ZBTB7A: variants seen among roughly 807,000 people sequenced by gnomAD.
ZBTB7A encodes the protein zinc finger and BTB domain containing 7A, also known as zinc finger and BTB domain-containing protein 7A.
In ZBTB7A, 7 loss-of-function variants were observed where a neutral mutation model predicts 26.7. That is an observed-to-expected ratio of 0.26 (90% CI 0.15 to 0.49). ZBTB7A has a LOEUF of 0.49. Among genes scored for constraint, ZBTB7A ranks in the 20% least tolerant of loss-of-function variants. ZBTB7A has a pLI of 0.98. For synonymous variants in ZBTB7A, 452 were observed against 441.0 expected (o/e 1.02, Z -0.31); for missense variants, 617 against 919.5 (o/e 0.67, Z 4.25).
In ZBTB7A at chr19:4,043,568, A is replaced by G. The variant is rs1314442155; in HGVS notation, c.*4184T>C. Among the ~76,000 whole-genome samples, 2 of 149,544 alleles carry G rather than the reference A, an allele frequency of 1.3e-5. No homozygotes were observed. Among genetic ancestry groups the G allele is most frequent in the Non-Finnish European group, 1.5e-5 (1 of 67,404 alleles). On this transcript the variant is annotated 3_prime_UTR_variant, in exon 3 of 3. Transcript: ENST00000322357. ...GGCGCCGCCCCGCCCCCCATTCACC[A>G]GGCCTGGCCCCTCCAAAGTCCAAGG...
rs778583543 is a variant in ZBTB7A at position 4,047,919 on chromosome 19, GGGCGT to G, written c.1583_1587del (p.Asp528AlafsTer10). 6.6e-7 allele frequency: 1 copy of G among 1,516,914 alleles called. No individual in the cohort carries two copies. The highest frequency in any genetic ancestry group is 8.8e-7 in the Non-Finnish European group (1 of 1,132,126). 94.0% of individuals were successfully genotyped at this position (1,516,914 alleles called of 1,614,324 possible). On this transcript the variant is annotated frameshift_variant, in exon 3 of 3. Transcript: ENST00000322357. LOFTEE classifies it low-confidence loss of function (END_TRUNC). The stretch of plus-strand genomic sequence containing the variant: ...AAGTGCTTCTCCTGGCCGTTGCGCC[GGGCGT>G]CGGGGGAGCTGGGCTGGGCGGGGGC...
In ZBTB7A at chr19:4,047,899, C is replaced by G; in HGVS notation, c.1608G>C (p.Lys536Asn). Reference sequence around the variant, plus strand: ...CGTCCTCGTCCTCGTCCTTAAAGTGCTTCTCCTGGCCGTTGCGCCGGGCGT... The same window carrying G: ...CGTCCTCGTCCTCGTCCTTAAAGTGGTTCTCCTGGCCGTTGCGCCGGGCGT... ...SPDARRNGQE[K>N]HFKDEDEDED... Residue 536 changes from lysine (K) to asparagine (N), a missense_variant, in exon 3 of 3, where the codon AAG (lysine) becomes AAC (asparagine). Coordinates refer to ENST00000322357, the MANE Select transcript of ZBTB7A (RefSeq NM_015898.4). 6.3e-7 allele frequency: 1 copy of G among 1,576,136 alleles called. No homozygotes were observed. Among genetic ancestry groups the G allele is most frequent in the East Asian group, 2.5e-5 (1 of 40,628 alleles).
rs903215344 is a variant in ZBTB7A at position 4,054,015 on chromosome 19, G to C, written c.1218C>G (p.Gly406=). 6.2e-7 allele frequency: 1 copy of C among 1,611,110 alleles called. No individual in the cohort carries two copies. The highest frequency in any genetic ancestry group is 1.3e-5 in the African/African-American group (1 of 75,006). The stretch of plus-strand genomic sequence containing the variant: ...AGATGTTGCACTCGTAGGGCTTCTC[G>C]CCCGTGTGGGTGCGGATGTGTCGCG... ...KLPRHIRTHT[G]EKPYECNICK... Residue 406 remains glycine (G), a synonymous_variant, in exon 2 of 3, where the codon GGC becomes GGG. Coordinates refer to ENST00000322357, the MANE Select transcript of ZBTB7A (RefSeq NM_015898.4).
Position 4,048,523 on chromosome 19 carries a change from T to G in ZBTB7A, c.1263-279A>C, listed in dbSNP as rs1481310809. On this transcript the variant is annotated intron_variant, in intron 2 of 2. Transcript: ENST00000322357. The surrounding 1 kb of genome is among the most constrained non-coding windows in gnomAD (Gnocchi z 6.7). ...CTCTGAACCCCGTTTCCTTTCCTTTTTTAACTTTTTAAGAGACAAAGTCTA... is the reference window on the plus strand; with the variant it reads ...CTCTGAACCCCGTTTCCTTTCCTTTGTTAACTTTTTAAGAGACAAAGTCTA... 1.3e-5 allele frequency among the ~76,000 whole-genome samples: 2 copies of G among 152,066 alleles called. No homozygotes were observed. Among genetic ancestry groups the G allele is most frequent in the Non-Finnish European group, 2.9e-5 (2 of 67,994 alleles).
At chr19:4,056,368 G>GGACA (rs2040577846) in intron 1 of ZBTB7A, among the ~76,000 whole-genome samples, 1 of 152,068 alleles carries the variant, frequency 6.6e-6, no homozygotes, top group African/African-American at 2.4e-5. Flanking sequence ...CACACTGGAC[G>GGACA]CTTAAATTTC....
Position 4,043,520 on chromosome 19 carries a change from C to CT in ZBTB7A, c.*4231dup, listed in dbSNP as rs2040371152. 1.3e-5 allele frequency among the ~76,000 whole-genome samples: 2 copies of CT among 150,452 alleles called. No individual in the cohort carries two copies. Among genetic ancestry groups the CT allele is most frequent in the Non-Finnish European group, 2.9e-5 (2 of 67,830 alleles). ...TCAATACAGTCTCTGGAATGTCTAT[C>CT]TGTCTGTGCTCTGTACCCTGAGGGC... is the stretch of plus-strand genomic sequence containing the variant. On this transcript the variant is annotated 3_prime_UTR_variant, in exon 3 of 3. Coordinates refer to ENST00000322357, the MANE Select transcript of ZBTB7A (RefSeq NM_015898.4).
chr19:4,058,485 G>A (rs1010193927), intron 1 of ZBTB7A, among the ~76,000 whole-genome samples: 4 of 150,706 alleles, frequency 2.7e-5, no homozygotes, highest in Non-Finnish European at 4.4e-5. Flanking sequence ...CCACCCACTC[G>A]GAGCTTGTGC....
In ZBTB7A at chr19:4,048,187, G is replaced by A; in HGVS notation, c.1320C>T (p.Cys440=). The change falls in exon 3 of 3, where the codon TGC becomes TGT. Residue 440 remains cysteine, a synonymous_variant. Transcript: ENST00000322357. This position sits in a 1 kb window ranked among gnomAD's most constrained non-coding sequence, Gnocchi z 6.7. ...GGGCAAAGGCGGCGCCGCACTGCTG[G>A]CACAGGTACGGCTTCTCGCCCGTGT... The part of the protein sequence containing the change: ...RKHTGEKPYL[C]QQCGAAFAHN... 1.2e-6 allele frequency: 2 copies of A among 1,606,228 alleles called. No individual in the cohort carries two copies. Among genetic ancestry groups the A allele is most frequent in the Non-Finnish European group, 1.7e-6 (2 of 1,178,448 alleles).
chr19:4,065,942 G>A (rs2040691973), intron 1 of ZBTB7A, among the ~76,000 whole-genome samples: 2 of 135,444 alleles, frequency 1.5e-5, no homozygotes, highest in South Asian at 4.5e-4. Flanking sequence ...GCCGCGCCGC[G>A]CGATCGGCCC....
Position 4,048,387 on chromosome 19 carries a change from T to A in ZBTB7A, c.1263-143A>T. On this transcript the variant is annotated intron_variant, in intron 2 of 2. Transcript: ENST00000322357. This position sits in a 1 kb window ranked among gnomAD's most constrained non-coding sequence, Gnocchi z 6.7. Reference sequence around the variant, plus strand: ...TGCACCAGAGGTTTCGGTGCCCCGATGGGGACGGTCCCTCGAAAAACGAGA... The same window carrying A: ...TGCACCAGAGGTTTCGGTGCCCCGAAGGGGACGGTCCCTCGAAAAACGAGA... The A allele has an allele frequency of 8.2e-7, 1 of 1,222,756 alleles. No homozygotes were observed. Among genetic ancestry groups the A allele is most frequent in the South Asian group, 1.9e-5 (1 of 53,102 alleles). The allele number at this position is 1,222,756 out of a possible 1,614,324, so 75.7% of individuals were successfully genotyped here.
Position 4,052,133 on chromosome 19 carries a change from C to T in ZBTB7A, c.1262+1838G>A, listed in dbSNP as rs2040510191. Among the ~76,000 whole-genome samples, 1 of 152,178 alleles carries T rather than the reference C, an allele frequency of 6.6e-6. No homozygotes were observed. Among genetic ancestry groups the T allele is most frequent in the African/African-American group, 2.4e-5 (1 of 41,442 alleles). On this transcript the variant is annotated intron_variant, in intron 2 of 2. Coordinates refer to ENST00000322357, the MANE Select transcript of ZBTB7A (RefSeq NM_015898.4). This position sits in a 1 kb window ranked among gnomAD's most constrained non-coding sequence, Gnocchi z 4.9. Reference sequence around the variant, plus strand: ...CCTCTCTAAGCCTCAGTTTCTCTGACTGAGGGGATCAGCCCCGGGTCGGGT... The same window carrying T: ...CCTCTCTAAGCCTCAGTTTCTCTGATTGAGGGGATCAGCCCCGGGTCGGGT...
chr19:4,049,164 GTGTGTATATATATATATATATATATATA>G (rs1455334392), intron 2 of ZBTB7A, among the ~76,000 whole-genome samples: 1 of 21,166 alleles, frequency 4.7e-5, no homozygotes, highest in African/African-American at 1.0e-4. Context: ...GTGTGTGTGT[GTGTGTATATATATATATATATATATATA>G]TATATATATA....
At position 4,054,930 on chromosome 19, in the gene ZBTB7A, T is replaced by A; in HGVS notation, c.303A>T (p.Thr101=). 4 of 1,611,622 alleles carry A rather than the reference T, an allele frequency of 2.5e-6. No individual in the cohort carries two copies. The highest frequency in any genetic ancestry group is 2.5e-6 in the Non-Finnish European group (3 of 1,179,640). ...FAYTATLTVS[T]ANVGDILSAA... ...CGCTGAGGATGTCACCCACGTTGGC[T>A]GTGCTGACGGTGAGCGTGGCCGTGT... Residue 101 remains threonine, a synonymous_variant, in exon 2 of 3, where the codon ACA becomes ACT. Coordinates refer to ENST00000322357, the MANE Select transcript of ZBTB7A (RefSeq NM_015898.4).
Position 4,043,997 on chromosome 19 carries a change from TTC to T in ZBTB7A, c.*3753_*3754del, listed in dbSNP as rs1443319211. Among the ~76,000 whole-genome samples the T allele has an allele frequency of 2.0e-5, 3 of 152,108 alleles. No homozygotes were observed. Among genetic ancestry groups the T allele is most frequent in the Non-Finnish European group, 4.4e-5 (3 of 68,006 alleles). On this transcript the variant is annotated 3_prime_UTR_variant, in exon 3 of 3. Transcript: ENST00000322357. ...TTTTTTTCTTCTGTTTTTCCTTTCA[TTC>T]TCTCTGTCTTGCCTCCAACCATTCT...
At chr19:4,059,712 G>A (rs2040619804) in intron 1 of ZBTB7A, among the ~76,000 whole-genome samples, 1 of 151,962 alleles carries the variant, frequency 6.6e-6, no homozygotes, top group East Asian at 1.9e-4. Flanking sequence ...ACTGACCCAC[G>A]CCCTCACTCC....
rs2040383182 is a variant in ZBTB7A at position 4,044,178 on chromosome 19, GA to G, written c.*3573del. On this transcript the variant is annotated 3_prime_UTR_variant, in exon 3 of 3. Coordinates refer to ENST00000322357, the MANE Select transcript of ZBTB7A (RefSeq NM_015898.4). The stretch of plus-strand genomic sequence containing the variant: ...CGCCCACTTCCAGGGGAAGACCCTG[GA>G]AGAGGCTGGGGGACCCCCCTCGGAA... 1.3e-5 allele frequency among the ~76,000 whole-genome samples: 2 copies of G among 151,828 alleles called. No individual in the cohort carries two copies. Among genetic ancestry groups the G allele is most frequent in the Admixed American group, 1.3e-4 (2 of 15,254 alleles).
intron 1 of ZBTB7A, 92 bp downstream of exon 1, chr19:4,066,589 TC>T (rs1175644624): frequency 6.6e-6 from 1 of 151,538 alleles, no homozygotes; most frequent in African/African-American, 2.4e-5. Flanking sequence ...TCCCCGGATC[TC>T]CCCTTCCCGA....
At position 4,055,227 on chromosome 19, in the gene ZBTB7A, GGCCATCTTCCGCGCC is replaced by G; in HGVS notation, c.-10_5del. The G allele has an allele frequency of 6.6e-7, 1 of 1,511,682 alleles. No individual in the cohort carries two copies. The highest frequency in any genetic ancestry group is 1.3e-5 in the South Asian group (1 of 77,670). 93.6% of individuals were successfully genotyped at this position (1,511,682 alleles called of 1,614,324 possible). The stretch of plus-strand genomic sequence containing the variant: ...TCCCGATGGGGCCGTCCACGCCGCC[GGCCATCTTCCGCGCC>G]GAGACCTGCAGCAGTGGGGAAGGAG... On this transcript the variant is annotated start_lost and 5_prime_UTR_variant, in exon 2 of 3. Coordinates refer to ENST00000322357, the MANE Select transcript of ZBTB7A (RefSeq NM_015898.4).
Position 4,045,619 on chromosome 19 carries a change from G to A in ZBTB7A, c.*2133C>T, listed in dbSNP as rs1198539441. 2 of 336,980 alleles carry A rather than the reference G, an allele frequency of 5.9e-6. No homozygotes were observed. The highest frequency in any genetic ancestry group is 5.3e-6 in the Non-Finnish European group (1 of 187,468). The allele number at this position is 336,980 out of a possible 1,614,324, so 20.9% of individuals were successfully genotyped here. ...TGTGTGTCACAGAGAAGGGGGTATG[G>A]GGGGGTCGGGGGCAGGGAGACACCC... On this transcript the variant is annotated 3_prime_UTR_variant, in exon 3 of 3. Transcript: ENST00000322357. This position sits in a 1 kb window ranked among gnomAD's most constrained non-coding sequence, Gnocchi z 4.1.
Sources: gnomAD v4.1 joint callset for allele counts (sites outside exome capture counted in the v4.1 genomes callset) on GRCh38, gnomAD v4.1.1 for gene constraint, Gnocchi (gnomAD v3.1) non-coding constraint, MANE v1.5 for transcripts, NCBI Gene and HGNC (gene_info 2026-07-23, HGNC 2026-07-21) for gene names.